The following VPS8 variants were observed in gnomAD, a reference collection of about 807,000 sequenced individuals.
VPS8 encodes VPS8 subunit of CORVET complex.
In VPS8, 129 loss-of-function variants were observed where a neutral mutation model predicts 216.4. The observed-to-expected ratio is 0.60, with a 90% CI of 0.52 to 0.69. The LOEUF (loss-of-function observed/expected upper bound fraction) is 0.69, where lower values mean the gene tolerates loss of function less well. Ranked by LOEUF, VPS8 falls within the 30% of genes least tolerant of loss-of-function variation. VPS8 has a pLI of 0.00. For synonymous variants in VPS8, 571 were observed against 565.4 expected, an observed-to-expected ratio of 1.01 and a Z score of -0.14; for missense variants, 1,531 against 1,683.5, an observed-to-expected ratio of 0.91 and a Z score of 1.59.
At chr3:184,976,913 C>T (rs1210490878) in intron 40 of VPS8, among the ~76,000 whole-genome samples, 1 of 152,114 alleles carries the variant, frequency 6.6e-6, no homozygotes, top group African/African-American at 2.4e-5. Flanking sequence ...GATAGTGCTG[C>T]AGTCAACATA....
At chr3:185,032,797 T>C (rs1758357865) in intron 46 of VPS8, among the ~76,000 whole-genome samples, 1 of 152,072 alleles carries the variant, frequency 6.6e-6, no homozygotes, top group Non-Finnish European at 1.5e-5. Flanking sequence ...TCCCGAGTAG[T>C]TGGGACTACA....
At chr3:184,831,990 T>C (rs1163200797) in intron 3 of VPS8, among the ~76,000 whole-genome samples, 1 of 152,234 alleles carries the variant, frequency 6.6e-6, no homozygotes, top group Non-Finnish European at 1.5e-5. Flanking sequence ...ATACTAAATA[T>C]TCATTAAATG....
chr3:185,004,421 A>T lies in VPS8; in HGVS notation c.4002+4560A>T, dbSNP rs190569257. Among the ~76,000 whole-genome samples the T allele has an allele frequency of 7.9e-3, 1,198 of 152,332 alleles. 7 individuals are homozygous for T. The highest frequency in any genetic ancestry group is 0.01 in the Non-Finnish European group (707 of 68,032). ...GGCAGGGAGGCTGCAGCGAGCCGAG[A>T]TGGCAGCAGCACAGTCCAGCCTCGG... is the stretch of plus-strand genomic sequence containing the variant. On this transcript the variant is annotated intron_variant, in intron 45 of 47. Coordinates refer to ENST00000625842, the MANE Select transcript of VPS8 (RefSeq NM_001009921.3).
intron 20 of VPS8, among the ~76,000 whole-genome samples, 173 bp downstream of exon 20, chr3:184,869,701 C>A (rs1402662800): frequency 5.3e-5 from 8 of 151,850 alleles, no homozygotes; most frequent in Admixed American, 3.3e-4. Flanking sequence ...CTAGCATGGG[C>A]AACATAGCAA....
At chr3:184,826,521 C>T (rs1718814071) in intron 3 of VPS8, among the ~76,000 whole-genome samples, 2 of 152,332 alleles carry the variant, frequency 1.3e-5, no homozygotes, top group South Asian at 4.1e-4. Flanking sequence ...TTCTCTTGGA[C>T]AGCAGTAGTC....
intron 36 of VPS8, among the ~76,000 whole-genome samples, chr3:184,955,098 G>A (rs1012652927): frequency 2.6e-5 from 4 of 152,210 alleles, no homozygotes; most frequent in East Asian, 1.9e-4. Flanking sequence ...TTAGCAGACC[G>A]CGAAAGGGAG....
chr3:185,009,517 G>T (rs758659155), intron 45 of VPS8, among the ~76,000 whole-genome samples: 8 of 152,066 alleles, frequency 5.3e-5, no homozygotes, highest in Non-Finnish European at 8.8e-5. Flanking sequence ...AAGTCACTTT[G>T]GCCAGATATG....
At chr3:184,975,430 C>T (rs529796358) in intron 40 of VPS8, among the ~76,000 whole-genome samples, 1 of 151,968 alleles carries the variant, frequency 6.6e-6, no homozygotes, top group African/African-American at 2.4e-5. Flanking sequence ...ATTCGTTTAT[C>T]AGTTCTAACA....
chr3:184,924,807 T>TG, intron 29 of VPS8, 55 bp from the exon 30 acceptor site: 2 of 1,535,234 alleles, frequency 1.3e-6, no homozygotes. Context: ...GTATTTTTTT[T>TG]TTTTTGCATC....
chr3:184,946,997 G>T (rs978144144), intron 36 of VPS8, among the ~76,000 whole-genome samples: 2 of 152,074 alleles, frequency 1.3e-5, no homozygotes, highest in Non-Finnish European at 2.9e-5. Flanking sequence ...GTGGCTTAGA[G>T]GCTTTGCTTA....
chr3:184,972,723 G>GTGGGA, intron 40 of VPS8, among the ~76,000 whole-genome samples: 1 of 152,250 alleles, frequency 6.6e-6, no homozygotes, highest in African/African-American at 2.4e-5. Flanking sequence ...TTGAGCAGCA[G>GTGGGA]GTGCAAGGTG....
chr3:185,027,243 T>TG (rs1441942531), intron 46 of VPS8, among the ~76,000 whole-genome samples: 4 of 139,312 alleles, frequency 2.9e-5, no homozygotes, highest in African/African-American at 1.1e-4. Context: ...TTCTTTTTTT[T>TG]TTTTTTTTTT....
chr3:184,891,239 A>G (rs963270459), intron 22 of VPS8, among the ~76,000 whole-genome samples: 14 of 152,158 alleles, frequency 9.2e-5, no homozygotes, highest in African/African-American at 2.9e-4. Flanking sequence ...TGTGTTATGT[A>G]TGCATCTGAA....
intron 12 of VPS8, 25 bp from the exon 13 acceptor site, chr3:184,854,089 T>A (rs534967060): frequency 6.2e-7 from 1 of 1,613,534 alleles, no homozygotes; most frequent in African/African-American, 1.3e-5. Flanking sequence ...AAGGTCAATA[T>A]TGAAAACATA....
At chr3:184,814,174 A>C (rs1351729190) in intron 1 of VPS8, among the ~76,000 whole-genome samples, 1 of 152,224 alleles carries the variant, frequency 6.6e-6, no homozygotes, top group African/African-American at 2.4e-5. Flanking sequence ...AGAAAATTCA[A>C]ATGGGCTTAA....
At chr3:184,984,984 G>A (rs1750847776) in intron 42 of VPS8, among the ~76,000 whole-genome samples, 2 of 151,940 alleles carry the variant, frequency 1.3e-5, no homozygotes, top group South Asian at 4.2e-4. Flanking sequence ...AGTTATACTG[G>A]CATTCATTAT....
intron 16 of VPS8, 64 bp from the exon 17 acceptor site, chr3:184,866,812 T>C: frequency 6.7e-7 from 1 of 1,487,510 alleles, no homozygotes; most frequent in Non-Finnish European, 9.2e-7. Context: ...TGATGAAATG[T>C]TAAAAAATAT....
chr3:184,929,961 G>A (rs1740394587), intron 33 of VPS8, among the ~76,000 whole-genome samples: 1 of 152,208 alleles, frequency 6.6e-6, no homozygotes, highest in Non-Finnish European at 1.5e-5. Flanking sequence ...GAATTTCAGA[G>A]AAAGTGACAT....
At position 185,040,450 on chromosome 3, in the gene VPS8, A is replaced by G. The variant is rs186183033; in HGVS notation, c.4057-8029A>G. ...AAAAATAGCTTAATCCTTCTGTTAG[A>G]GAACAGACTTTCCAGTCCTTCATGT... is the stretch of plus-strand genomic sequence containing the variant. On this transcript the variant is annotated intron_variant, in intron 46 of 47. Transcript: ENST00000625842. 3.3e-5 allele frequency among the ~76,000 whole-genome samples: 5 copies of G among 152,298 alleles called. No homozygotes were observed. The East Asian group carries it at 9.7e-4, about 29-fold the overall frequency.
Sources: allele counts gnomAD v4.1 joint callset (sites outside exome capture counted in the v4.1 genomes callset), GRCh38; gene constraint gnomAD v4.1.1; transcripts MANE v1.5; gene names NCBI Gene and HGNC (gene_info 2026-07-23, HGNC 2026-07-21).